The following ZNF676 variants were observed in gnomAD, a reference collection of about 807,000 sequenced individuals.
The protein encoded by ZNF676 is zinc finger protein 676.
A neutral mutation model predicts 6.0 loss-of-function variants in ZNF676; 4 were observed. The observed-to-expected ratio is 0.67, with a 90% CI of 0.33 to 1.53. The LOEUF (loss-of-function observed/expected upper bound fraction) is 1.53, where lower values mean the gene tolerates loss of function less well. ZNF676 is among the 40% of genes most tolerant of loss of function. ZNF676 has a pLI of 0.06. For synonymous variants in ZNF676, 198 were observed against 223.1 expected (o/e 0.89, Z 1.00); for missense variants, 644 against 679.7 (o/e 0.95, Z 0.58).
At chr19:22,199,169 C>T (rs2024000200), upstream of ZNF676, among the ~76,000 whole-genome samples, 1 of 152,120 alleles carries the variant, frequency 6.6e-6, no homozygotes, top group African/African-American at 2.4e-5. Context: ...TTTGGCCCCA[C>T]TCTATGAAAT....
At chr19:22,217,516 T>C (rs1228138430), upstream of ZNF676, among the ~76,000 whole-genome samples, 3 of 152,156 alleles carry the variant, frequency 2.0e-5, no homozygotes, top group African/African-American at 7.2e-5. Context: ...TACATAATTG[T>C]TATGCCTTTG....
the ZNF676 span, among the ~76,000 whole-genome samples, chr19:22,230,310 G>C: frequency 6.6e-6 from 1 of 152,070 alleles, no homozygotes; most frequent in Non-Finnish European, 1.5e-5. Flanking sequence ...AGAATGCATG[G>C]ACACAAGGAG....
Position 22,181,310 on chromosome 19 carries a change from G to C in ZNF676, c.407C>G (p.Thr136Ser). 1 of 1,613,760 alleles carries C rather than the reference G, an allele frequency of 6.2e-7. No homozygotes were observed. Among genetic ancestry groups the C allele is most frequent in the Non-Finnish European group, 8.5e-7 (1 of 1,179,780 alleles). ...TTTACATTTCAAACCTTTCTCTCCA[G>C]TATGCCTTATCTTATGTCTGTTTGA... ...SNSNRHKIRH[T>S]GEKGLKCKEY... The change falls in exon 3 of 3, where the codon ACT becomes AGT. Residue 136 changes from threonine to serine, a missense_variant. Physicochemically the swap from Thr to Ser is moderately conservative, Grantham distance 58. This residue lies in a region of ZNF676 where 280 missense variants were observed against 269.3 expected (regional missense o/e 1.04). Coordinates refer to ENST00000397121, the MANE Select transcript of ZNF676 (RefSeq NM_001001411.3).
At chr19:22,257,002 G>T in the ZNF676 span, among the ~76,000 whole-genome samples, 15 of 152,218 alleles carry the variant, frequency 9.9e-5, no homozygotes, top group African/African-American at 2.9e-4. Context: ...AAGCAGGCAA[G>T]GGGAGTCACA....
At chr19:22,208,314 A>C (rs1419822203) in intron 1 of ZNF676, among the ~76,000 whole-genome samples, 2 of 152,072 alleles carry the variant, frequency 1.3e-5, no homozygotes, top group Admixed American at 6.5e-5. Context: ...TTGTCTTCAA[A>C]AGGAGACAAA....
chr19:22,225,586 T>C, the ZNF676 span, among the ~76,000 whole-genome samples: 1 of 152,202 alleles, frequency 6.6e-6, no homozygotes, highest in East Asian at 1.9e-4. Flanking sequence ...ATAGGTTTCA[T>C]TTTCATAGCA....
intron 2 of ZNF676, among the ~76,000 whole-genome samples, chr19:22,184,277 C>G (rs1167080928): frequency 6.6e-6 from 1 of 152,096 alleles, no homozygotes; most frequent in Admixed American, 6.6e-5. Context: ...CCTCTCCTAG[C>G]CAAAGGAAGG....
intron 1 of ZNF676, among the ~76,000 whole-genome samples, chr19:22,210,789 A>AG (rs1568535933): frequency 1.5e-4 from 23 of 152,120 alleles, no homozygotes; most frequent in African/African-American, 5.1e-4. Flanking sequence ...ATCAAACTTC[A>AG]CTTATTTTCT....
chr19:22,181,031 T>C lies in ZNF676; in HGVS notation c.686A>G (p.Glu229Gly). ...HTGEKPYKCE[E>G]CGKAFNRSSI... ...GGATCGATTAAAAGCTTTGCCACAT[T>C]CTTCACATTTGTAGGGTTTCTCTCC... is the stretch of plus-strand genomic sequence containing the variant. Residue 229 changes from glutamate to glycine, a missense_variant, in exon 3 of 3, where the codon GAA becomes GGA. Glu to Gly is a moderately conservative substitution (Grantham distance 98). This residue lies in a region of ZNF676 where 280 missense variants were observed against 269.3 expected (regional missense o/e 1.04). Coordinates refer to ENST00000397121, the MANE Select transcript of ZNF676 (RefSeq NM_001001411.3). 1 of 1,570,944 alleles carries C rather than the reference T, an allele frequency of 6.4e-7. No individual in the cohort carries two copies. The highest frequency in any genetic ancestry group is 1.1e-5 in the South Asian group (1 of 89,082).
At position 22,195,513 on chromosome 19, in the gene ZNF676, T is replaced by C. The variant is rs191987373; in HGVS notation, c.34+1087A>G. ...TCCTTGGTCACACTAATAACTTCTA[T>C]TGTGATGTCCTCTGTAGCTTTGCAT... On this transcript the variant is annotated intron_variant, in intron 1 of 2. Coordinates refer to ENST00000397121, the MANE Select transcript of ZNF676 (RefSeq NM_001001411.3). Among the ~76,000 whole-genome samples the C allele has an allele frequency of 3.6e-3, 542 of 152,320 alleles. 3 individuals carry two copies. The highest frequency in any genetic ancestry group is 0.014 in the Middle Eastern group (4 of 294).
In ZNF676 at chr19:22,181,467, T is replaced by A. The variant is rs1460460779; in HGVS notation, c.250A>T (p.Ser84Cys). 1.2e-6 allele frequency: 2 copies of A among 1,613,612 alleles called. No individual in the cohort carries two copies. The highest frequency in any genetic ancestry group is 1.1e-5 in the South Asian group (1 of 91,030). The change falls in exon 3 of 3, where the codon AGT (serine) becomes TGT (cysteine). Residue 84 changes from serine (S) to cysteine (C), a missense_variant. By Grantham distance (112) the Ser-to-Cys change is moderately radical. Coordinates refer to ENST00000397121, the MANE Select transcript of ZNF676 (RefSeq NM_001001411.3). Reference sequence around the variant, plus strand: ...TTACACTCATCCACATTGGTACAACTAATTTTTAAGTGTAAATTCTCATGT... The same window carrying A: ...TTACACTCATCCACATTGGTACAACAAATTTTTAAGTGTAAATTCTCATGT... ...CGHENLHLKISCTNVDECNVH... is the reference protein window; with the variant it reads ...CGHENLHLKICCTNVDECNVH...
At chr19:22,200,663 C>A (rs533295624), upstream of ZNF676, among the ~76,000 whole-genome samples, 42 of 151,922 alleles carry the variant, frequency 2.8e-4, no homozygotes, top group African/African-American at 1.0e-3. Context: ...GGACTACAGG[C>A]ATGAGCCACC....
At chr19:22,222,554 T>A in the ZNF676 span, among the ~76,000 whole-genome samples, 2 of 152,222 alleles carry the variant, frequency 1.3e-5, no homozygotes, top group Admixed American at 1.3e-4. Flanking sequence ...TATGTTAAAG[T>A]AGAAGCATTG....
At chr19:22,190,466 A>C (rs185253017) in intron 2 of ZNF676, among the ~76,000 whole-genome samples, 1 of 151,878 alleles carries the variant, frequency 6.6e-6, no homozygotes, top group East Asian at 1.9e-4. Flanking sequence ...AAAAGTATAT[A>C]GAATCTCAAA....
At chr19:22,194,092 A>G (rs1405829048) in intron 1 of ZNF676, among the ~76,000 whole-genome samples, 1 of 152,196 alleles carries the variant, frequency 6.6e-6, no homozygotes, top group East Asian at 1.9e-4. Context: ...CCATTTTCAG[A>G]TCTGGTACAA....
At position 22,181,541 on chromosome 19, in the gene ZNF676, A is replaced by G. The variant is rs367723653; in HGVS notation, c.176T>C (p.Ile59Thr). 4 of 1,608,130 alleles carry G rather than the reference A, an allele frequency of 2.5e-6. No individual in the cohort carries two copies. In the African/African-American group the frequency reaches 5.4e-5, roughly 22 times the overall value. Reference sequence around the variant, plus strand: ...TATCATTTTTTGGAAAGAATCTTCTATGCCTTGCTCTGGCCAAAACTCTTG... The same window carrying G: ...TATCATTTTTTGGAAAGAATCTTCTGTGCCTTGCTCTGGCCAAAACTCTTG... ...FSQEFWPEQG[I>T]EDSFQKMILR... The change falls in exon 3 of 3, where the codon ATA becomes ACA. Residue 59 changes from isoleucine to threonine, a missense_variant. Physicochemically the swap from Ile to Thr is moderately conservative, Grantham distance 89. Around this residue, in one of 5 missense-constraint regions of ZNF676, gnomAD observed 280 missense variants for 269.3 expected, o/e 1.04. Transcript: ENST00000397121.
upstream of ZNF676, among the ~76,000 whole-genome samples, chr19:22,219,744 C>A (rs2024229096): frequency 6.6e-6 from 1 of 151,912 alleles, no homozygotes; most frequent in African/African-American, 2.4e-5. Flanking sequence ...CAATCTCCAC[C>A]TCCCAGACTC....
chr19:22,250,113 C>T, the ZNF676 span, among the ~76,000 whole-genome samples: 27 of 150,544 alleles, frequency 1.8e-4, no homozygotes, highest in African/African-American at 5.1e-4. Flanking sequence ...GCCCAGGAGG[C>T]GGAGGTTTCA....
chr19:22,210,808 G>A (rs1309047788), intron 1 of ZNF676, among the ~76,000 whole-genome samples: 2 of 151,996 alleles, frequency 1.3e-5, no homozygotes, highest in Non-Finnish European at 1.5e-5. Flanking sequence ...CTTCCCACAG[G>A]CTCCTGAACT....
Sources: gnomAD v4.1 joint callset for allele counts (sites outside exome capture counted in the v4.1 genomes callset) on GRCh38, gnomAD v4.1.1 for gene constraint, gnomAD v4.1.1 regional missense constraint, MANE v1.5 for transcripts, NCBI Gene and HGNC (gene_info 2026-07-23, HGNC 2026-07-21) for gene names.